Variants in CENPP observed in about 807,000 individuals in gnomAD.
The protein encoded by CENPP is centromere protein P.
A neutral mutation model predicts 35.6 loss-of-function variants in CENPP; 24 were observed. That is an observed-to-expected ratio of 0.67 (90% confidence interval 0.49 to 0.95). CENPP has a LOEUF of 0.95. Among genes scored for constraint, CENPP ranks in the 40% least tolerant of loss-of-function variants. The probability of loss-of-function intolerance (pLI) is 0.00; values close to 1 mark genes in which losing one functional copy is unlikely to be tolerated. For missense variants in CENPP, 332 were observed against 345.3 expected (o/e 0.96, Z 0.31); for synonymous variants, 120 against 125.5 (o/e 0.96, Z 0.29).
At chr9:92,471,827 T>C (rs1845530840) in intron 5 of CENPP, among the ~76,000 whole-genome samples, 1 of 152,002 alleles carries the variant, frequency 6.6e-6, no homozygotes, top group African/African-American at 2.4e-5. Flanking sequence ...GCCTGGCTAA[T>C]TGTTGTATTT....
At chr9:92,567,700 C>A (rs1850029606) in intron 5 of CENPP, among the ~76,000 whole-genome samples, 1 of 152,110 alleles carries the variant, frequency 6.6e-6, no homozygotes, top group South Asian at 2.1e-4. Flanking sequence ...ACTATGTATA[C>A]AGATGTAATT....
At chr9:92,506,281 T>G (rs1166559248) in intron 5 of CENPP, among the ~76,000 whole-genome samples, 1 of 152,224 alleles carries the variant, frequency 6.6e-6, no homozygotes, top group Non-Finnish European at 1.5e-5. Flanking sequence ...AGTTACTCAC[T>G]TGTTGGCACA....
At chr9:92,495,181 G>A (rs1554768330) in intron 5 of CENPP, 2 of 264,730 alleles carry the variant, frequency 7.6e-6, no homozygotes, top group Non-Finnish European at 1.2e-5. Flanking sequence ...AAAAATTAGA[G>A]AAACCTATGC....
intron 5 of CENPP, chr9:92,610,991 A>G (rs1313804555): frequency 1.2e-5 from 5 of 404,054 alleles, no homozygotes; most frequent in Non-Finnish European, 2.2e-5. Flanking sequence ...GGGTTGTGAC[A>G]GACAAGGGCA....
intron 5 of CENPP, among the ~76,000 whole-genome samples, chr9:92,546,225 C>T (rs1227378877): frequency 6.6e-6 from 1 of 152,152 alleles, no homozygotes; most frequent in Non-Finnish European, 1.5e-5. Flanking sequence ...CTCTGTAAAA[C>T]AGACCAATCA....
intron 5 of CENPP, among the ~76,000 whole-genome samples, chr9:92,434,315 G>T (rs1232693806): frequency 2.0e-5 from 3 of 150,748 alleles, no homozygotes; most frequent in Admixed American, 2.0e-4. Flanking sequence ...CTTGAACCCA[G>T]TAGACCAAGG....
At chr9:92,374,241 CTG>C (rs10569730) in intron 4 of CENPP, among the ~76,000 whole-genome samples, 36,676 of 142,470 alleles carry the variant, frequency 0.26, 4,564 homozygotes, top group East Asian at 0.38. Context: ...TTGCTGTTTG[CTG>C]TGTGTGTGTG....
At chr9:92,554,932 G>A (rs10992366) in intron 5 of CENPP, among the ~76,000 whole-genome samples, 57,400 of 152,076 alleles carry the variant, frequency 0.38, 13,441 homozygotes, top group African/African-American at 0.66. Flanking sequence ...CACTGCGCCT[G>A]GCCTTCAGTT....
At chr9:92,534,674 C>T (rs1166105341) in intron 5 of CENPP, among the ~76,000 whole-genome samples, 1 of 152,074 alleles carries the variant, frequency 6.6e-6, no homozygotes, top group Admixed American at 6.6e-5. Context: ...AAAGTCAATT[C>T]AGAGAGCAAA....
intron 5 of CENPP, chr9:92,610,701 C>T (rs1851214169): frequency 6.6e-6 from 1 of 152,472 alleles, no homozygotes; most frequent in African/African-American, 2.4e-5. Context: ...AGGCCCTTTC[C>T]CTTACTGCAG....
chr9:92,577,263 C>T (rs1188645506), intron 5 of CENPP, among the ~76,000 whole-genome samples: 1 of 152,206 alleles, frequency 6.6e-6, no homozygotes, highest in East Asian at 1.9e-4. Context: ...GCTGTAATCC[C>T]AGCACTTTAG....
chr9:92,415,975 T>C (rs139574378), intron 5 of CENPP, among the ~76,000 whole-genome samples: 4,346 of 145,420 alleles, frequency 0.03, 230 homozygotes, highest in African/African-American at 0.1. Context: ...TTGTCAGTTA[T>C]ATATATATGT....
chr9:92,464,590 T>C (rs771389483), intron 5 of CENPP: 4 of 455,850 alleles, frequency 8.8e-6, no homozygotes, highest in Non-Finnish European at 1.7e-5. Flanking sequence ...TTTCTCTGCT[T>C]TCTTCTGTAT....
At chr9:92,454,859 G>A (rs988719589) in intron 5 of CENPP, among the ~76,000 whole-genome samples, 1 of 152,114 alleles carries the variant, frequency 6.6e-6, no homozygotes, top group Non-Finnish European at 1.5e-5. Flanking sequence ...ACTACTGGTG[G>A]TGAACATTTA....
intron 5 of CENPP, among the ~76,000 whole-genome samples, chr9:92,532,029 A>ATTTTTTTT (rs201461115): frequency 1.1e-5 from 1 of 91,050 alleles, no homozygotes; most frequent in Non-Finnish European, 2.1e-5. Flanking sequence ...TTTTTTTTTT[A>ATTTTTTTT]TTTTATTTTT....
chr9:92,391,945 A>G (rs1399480219), intron 5 of CENPP, among the ~76,000 whole-genome samples: 1 of 152,110 alleles, frequency 6.6e-6, no homozygotes, highest in Non-Finnish European at 1.5e-5. Context: ...TTTGGGAGCT[A>G]TCAGTGGCAG....
chr9:92,441,653 G>A (rs1844391842), intron 5 of CENPP, among the ~76,000 whole-genome samples: 1 of 152,156 alleles, frequency 6.6e-6, no homozygotes, highest in Admixed American at 6.5e-5. Context: ...CAGCTACTCA[G>A]GAGGCTGAGG....
chr9:92,372,807 G>GT (rs1008117145), intron 4 of CENPP, among the ~76,000 whole-genome samples: 1 of 150,616 alleles, frequency 6.6e-6, no homozygotes, highest in South Asian at 2.1e-4. Context: ...TCTGATTGAG[G>GT]TTTTTTCTTT....
chr9:92,414,239 A>G (rs571690018), intron 5 of CENPP: 13 of 181,950 alleles, frequency 7.1e-5, no homozygotes, highest in Non-Finnish European at 1.2e-4. Context: ...GCTGATAAGC[A>G]TAAAGTGTTT....
Sources: allele counts gnomAD v4.1 joint callset (sites outside exome capture counted in the v4.1 genomes callset), GRCh38; gene constraint gnomAD v4.1.1; transcripts MANE v1.5; gene names NCBI Gene and HGNC (gene_info 2026-07-23, HGNC 2026-07-21).